The following SLC66A3 variants were observed in gnomAD, a reference collection of about 807,000 sequenced individuals.
SLC66A3 encodes solute carrier family 66 member 3.
A neutral mutation model predicts 25.5 loss-of-function variants in SLC66A3; 23 were observed. The observed-to-expected ratio is 0.90, with a 90% CI of 0.65 to 1.28. The LOEUF (loss-of-function observed/expected upper bound fraction) is 1.28. Ranked by LOEUF, SLC66A3 falls within the 50% of genes most tolerant of loss-of-function variation. The pLI is 0.00. For synonymous variants in SLC66A3, 108 were observed against 112.6 expected (o/e 0.96, Z 0.26); for missense variants, 246 against 262.1 (o/e 0.94, Z 0.42).
chr2:11,176,824 G>C (rs1260211832), intron 6 of SLC66A3, among the ~76,000 whole-genome samples: 1 of 152,112 alleles, frequency 6.6e-6, no homozygotes, highest in African/African-American at 2.4e-5. Context: ...CACCGCGCCC[G>C]GCCAGGGAAT....
At chr2:11,164,037 G>A (rs914248828) in intron 3 of SLC66A3, among the ~76,000 whole-genome samples, 167 bp from the exon 4 acceptor site, 3 of 151,982 alleles carry the variant, frequency 2.0e-5, no homozygotes, top group Admixed American at 1.3e-4. Flanking sequence ...GTTCACTTGC[G>A]ACCCTTTTCG....
rs17852453 is a variant in SLC66A3, at chr2:11,160,662, G to T, written c.264G>T (p.Gly88=). The T allele has an allele frequency of 1.9e-6, 3 of 1,614,032 alleles. No individual in the cohort carries two copies. The highest frequency in any genetic ancestry group is 3.3e-5 in the Admixed American group (2 of 59,996). ...TGCTCTGTATCTTTCATTTTAACGG[G>T]AACGTGAAGCAGGCCACTCCTTACA... ...ILLLCIFHFN[G]NVKQATPYIA... The change falls in exon 3 of 7, where the codon GGG becomes GGT. Residue 88 remains glycine (G), a synonymous_variant. Transcript: ENST00000295083.
At chr2:11,174,945 T>C (rs374447933) in intron 5 of SLC66A3, 23 bp from the exon 6 acceptor site, 4 of 1,603,252 alleles carry the variant, frequency 2.5e-6, no homozygotes, top group East Asian at 4.5e-5. Context: ...AAGTTACTTA[T>C]TGCTGCAAGT....
At chr2:11,158,819 A>G (rs1357009463) in intron 1 of SLC66A3, among the ~76,000 whole-genome samples, 2 of 29,004 alleles carry the variant, frequency 6.9e-5, no homozygotes, top group Non-Finnish European at 3.4e-4. Context: ...ACTCCATCTC[A>G]AAAAAAAAGA....
At position 11,171,990 on chromosome 2, in the gene SLC66A3, A is replaced by G; in HGVS notation, c.420A>G (p.Arg140=). The G allele has an allele frequency of 1.9e-6, 3 of 1,614,094 alleles. No homozygotes were observed. The highest frequency in any genetic ancestry group is 2.5e-6 in the Non-Finnish European group (3 of 1,179,972). ...AGCTCCAGTGTCTGTGGAAGACGAG[A>G]GACTCAGGAACTGTGAGTGCGCTGA... ...FAQLQCLWKT[R]DSGTVSALTW... Residue 140 remains arginine, a synonymous_variant, in exon 5 of 7, where the codon AGA becomes AGG. Transcript: ENST00000295083.
Position 11,178,152 on chromosome 2 carries a change from T to C in SLC66A3, c.*324T>C, listed in dbSNP as rs1006899425. 1.0e-5 allele frequency: 2 copies of C among 190,658 alleles called. No homozygotes were observed. The highest frequency in any genetic ancestry group is 2.3e-5 in the African/African-American group (1 of 42,784). 11.8% of individuals were successfully genotyped at this position (190,658 alleles called of 1,614,324 possible). A position where few individuals can be genotyped will look rare whatever the true frequency, so the allele number is the denominator to read the frequency against. ...CTTAAGTTCTCTATGAAGAACTACA[T>C]TGATTTGTTGGCTTTCAGAATCTTT... On this transcript the variant is annotated 3_prime_UTR_variant, in exon 7 of 7. Coordinates refer to ENST00000295083, the MANE Select transcript of SLC66A3 (RefSeq NM_152391.5).
intron 6 of SLC66A3, among the ~76,000 whole-genome samples, chr2:11,176,818 G>A (rs1281110215): frequency 1.3e-5 from 2 of 152,068 alleles, no homozygotes; most frequent in African/African-American, 2.4e-5. Context: ...GTGAGCCACC[G>A]CGCCCGGCCA....
rs1661856046 is a variant in SLC66A3 at position 11,155,526 on chromosome 2, G to GGTGCCC, written c.-19_-14dup. 2 of 1,484,872 alleles carry GGTGCCC rather than the reference G, an allele frequency of 1.3e-6. No individual in the cohort carries two copies. Among genetic ancestry groups the GGTGCCC allele is most frequent in the South Asian group, 2.5e-5 (2 of 79,264 alleles). 92.0% of individuals were successfully genotyped at this position (1,484,872 alleles called of 1,614,324 possible). On this transcript the variant is annotated 5_prime_UTR_variant, in exon 1 of 7. Coordinates refer to ENST00000295083, the MANE Select transcript of SLC66A3 (RefSeq NM_152391.5). ...GGTCCCTTCTCGCTGCGGCCGCCCA[G>GGTGCCC]GTGCCCGCGCCCGTGGCGCTATGGA...
chr2:11,156,527 G>T (rs1047185553), intron 1 of SLC66A3, among the ~76,000 whole-genome samples: 2 of 152,148 alleles, frequency 1.3e-5, no homozygotes, highest in African/African-American at 4.8e-5. Flanking sequence ...AAGCCTTCCT[G>T]GTGGGCGGGG....
At chr2:11,175,112 G>T in intron 6 of SLC66A3, 103 bp downstream of exon 6, 1 of 826,544 alleles carries the variant, frequency 1.2e-6, no homozygotes, top group African/African-American at 1.7e-5. Flanking sequence ...TGGCTCTGTT[G>T]GATTATAGAT....
Position 11,155,642 on chromosome 2 carries a change from C to T in SLC66A3, c.96C>T (p.Arg32=), listed in dbSNP as rs766445722. ...AGATCTCCGCTGTGCTAGCGGCGCG[C>T]AGCGCGCGGGGCCTCAGCCTTCCGA... is the stretch of plus-strand genomic sequence containing the variant. ...LPQISAVLAA[R]SARGLSLPSL... is the part of the protein sequence containing the mutation. The change falls in exon 1 of 7, where the codon CGC becomes CGT. Residue 32 remains arginine (R), a synonymous_variant. Coordinates refer to ENST00000295083, the MANE Select transcript of SLC66A3 (RefSeq NM_152391.5). 4.1e-5 allele frequency: 62 copies of T among 1,511,354 alleles called. No individual in the cohort carries two copies. Among genetic ancestry groups the T allele is most frequent in the Non-Finnish European group, 5.2e-5 (59 of 1,140,846 alleles). 93.6% of individuals were successfully genotyped at this position (1,511,354 alleles called of 1,614,324 possible). A position where few individuals can be genotyped will look rare whatever the true frequency, so the allele number is the denominator to read the frequency against.
chr2:11,169,569 C>G (rs558544327), intron 4 of SLC66A3, among the ~76,000 whole-genome samples: 1 of 152,214 alleles, frequency 6.6e-6, no homozygotes, highest in African/African-American at 2.4e-5. Flanking sequence ...GTCCCTTCCC[C>G]TTGATCCTTT....
chr2:11,171,138 C>T (rs574628584), intron 4 of SLC66A3, among the ~76,000 whole-genome samples: 11 of 152,044 alleles, frequency 7.2e-5, no homozygotes, highest in Admixed American at 3.9e-4. Context: ...GCCAATGTGG[C>T]GAAACCCTGT....
intron 1 of SLC66A3, among the ~76,000 whole-genome samples, chr2:11,158,847 G>A (rs1302787148): frequency 6.6e-6 from 1 of 152,118 alleles, no homozygotes; most frequent in African/African-American, 2.4e-5. Flanking sequence ...AAAACTAAAG[G>A]AAAGACACTG....
intron 4 of SLC66A3, among the ~76,000 whole-genome samples, chr2:11,166,073 TG>T (rs1662331517): frequency 6.6e-6 from 1 of 152,092 alleles, no homozygotes; most frequent in Non-Finnish European, 1.5e-5. Context: ...AGGGTTTCAC[TG>T]TGTTGGCCAG....
chr2:11,167,321 T>C (rs1233090612), intron 4 of SLC66A3, among the ~76,000 whole-genome samples: 2 of 152,134 alleles, frequency 1.3e-5, no homozygotes, highest in Non-Finnish European at 2.9e-5. Flanking sequence ...CGCATGCCTG[T>C]AATCCCAGCT....
At chr2:11,170,116 G>A (rs77939909) in intron 4 of SLC66A3, among the ~76,000 whole-genome samples, 11,719 of 152,120 alleles carry the variant, frequency 0.077, 653 homozygotes, top group African/African-American at 0.16. Flanking sequence ...GGATTACGGC[G>A]TCAGCCACTG....
chr2:11,165,028 G>A (rs551014081), intron 4 of SLC66A3, among the ~76,000 whole-genome samples: 104 of 152,290 alleles, frequency 6.8e-4, no homozygotes, highest in Non-Finnish European at 1.0e-3. Context: ...ATCATGGCCC[G>A]TTCTCAATGA....
At chr2:11,171,814 T>C (rs1341695515) in intron 4 of SLC66A3, 111 bp from the exon 5 acceptor site, 1 of 1,075,430 alleles carries the variant, frequency 9.3e-7, no homozygotes, top group Admixed American at 1.9e-5. Flanking sequence ...ATGATCTGCC[T>C]GCCTCGGCCT....
Sources: gnomAD v4.1 joint callset for allele counts (sites outside exome capture counted in the v4.1 genomes callset) on GRCh38, gnomAD v4.1.1 for gene constraint, MANE v1.5 for transcripts, NCBI Gene and HGNC (gene_info 2026-07-23, HGNC 2026-07-21) for gene names.